Variants in GALNTL6 observed in about 807,000 individuals in gnomAD.
The protein encoded by GALNTL6 is polypeptide N-acetylgalactosaminyltransferase-like 6.
GALNTL6 carries 46 observed loss-of-function variants against 73.7 expected under a neutral mutation model. The observed-to-expected ratio is 0.62, with a 90% confidence interval of 0.49 to 0.80. The LOEUF (loss-of-function observed/expected upper bound fraction) is 0.80, where lower values mean the gene tolerates loss of function less well. GALNTL6 is among the 30% of genes least tolerant of loss of function. GALNTL6 has a pLI of 0.00. For synonymous variants in GALNTL6, 259 were observed against 263.7 expected (o/e 0.98, Z 0.17); for missense variants, 604 against 755.0 (o/e 0.80, Z 2.34).
intron 5 of GALNTL6, among the ~76,000 whole-genome samples, chr4:172,619,934 G>A (rs888560528): frequency 9.9e-5 from 15 of 152,144 alleles, no homozygotes; most frequent in African/African-American, 3.4e-4. Flanking sequence ...CCTGTGTATA[G>A]GCAATTATTA....
chr4:172,056,961 T>C (rs901200188), intron 2 of GALNTL6, among the ~76,000 whole-genome samples: 1 of 152,154 alleles, frequency 6.6e-6, no homozygotes, highest in African/African-American at 2.4e-5. Flanking sequence ...AATATTTTAA[T>C]GTTACAATAT....
chr4:171,988,448 A>G (rs1740189536), intron 2 of GALNTL6, among the ~76,000 whole-genome samples: 1 of 152,212 alleles, frequency 6.6e-6, no homozygotes, highest in Admixed American at 6.5e-5. Context: ...TGTCAGGGTC[A>G]GTCTAAGTGA....
At chr4:171,833,899 C>T (rs1224059955) in intron 2 of GALNTL6, among the ~76,000 whole-genome samples, 3 of 151,796 alleles carry the variant, frequency 2.0e-5, no homozygotes, top group African/African-American at 7.2e-5. Flanking sequence ...ACTGCTCTAG[C>T]AAAATCATTT....
At chr4:172,983,296 A>G (rs911252939) in intron 10 of GALNTL6, among the ~76,000 whole-genome samples, 1 of 152,090 alleles carries the variant, frequency 6.6e-6, no homozygotes, top group Non-Finnish European at 1.5e-5. Context: ...TTGATTTCAG[A>G]CTTCTGGCCT....
In GALNTL6 at chr4:172,965,279, A is replaced by G. The variant is rs564866361; in HGVS notation, c.1371+13021A>G. 1.1e-4 allele frequency among the ~76,000 whole-genome samples: 16 copies of G among 152,286 alleles called. 1 individual carries two copies. The South Asian group carries it at 3.3e-3, about 32-fold the overall frequency. On this transcript the variant is annotated intron_variant, in intron 10 of 12. Coordinates refer to ENST00000506823, the MANE Select transcript of GALNTL6 (RefSeq NM_001034845.3). ...GAGACAGGGCTATGAAGACAAACCT[A>G]AAGTGTCCTATAATAAACACAATTT...
intron 3 of GALNTL6, among the ~76,000 whole-genome samples, chr4:172,293,677 C>T (rs1305023583): frequency 6.6e-6 from 1 of 151,712 alleles, no homozygotes; most frequent in Non-Finnish European, 1.5e-5. Flanking sequence ...TTCTCATTCT[C>T]ACTTGCACAG....
intron 2 of GALNTL6, among the ~76,000 whole-genome samples, chr4:171,923,613 A>G (rs542312032): frequency 1.4e-5 from 2 of 141,966 alleles, no homozygotes; most frequent in Non-Finnish European, 3.0e-5. Flanking sequence ...TCACCGTGTT[A>G]GCCAGGATGG....
At chr4:172,881,881 A>AAC (rs1175627613) in intron 7 of GALNTL6, among the ~76,000 whole-genome samples, 1 of 152,164 alleles carries the variant, frequency 6.6e-6, no homozygotes, top group Non-Finnish European at 1.5e-5. Flanking sequence ...CGCTAGCCTC[A>AAC]GCCTTGGGCA....
chr4:172,371,929 C>T (rs531505513), intron 5 of GALNTL6, among the ~76,000 whole-genome samples: 261 of 152,278 alleles, frequency 1.7e-3, no homozygotes, highest in African/African-American at 5.9e-3. Flanking sequence ...AGTTAGGAAC[C>T]CCCTTTCTTT....
At chr4:172,503,117 T>G (rs1389062740) in intron 5 of GALNTL6, among the ~76,000 whole-genome samples, 1 of 152,194 alleles carries the variant, frequency 6.6e-6, no homozygotes, top group East Asian at 1.9e-4. Context: ...TGTCGTGATG[T>G]GGCATTAAAG....
At chr4:172,884,307 G>A in intron 8 of GALNTL6, among the ~76,000 whole-genome samples, 1 of 152,080 alleles carries the variant, frequency 6.6e-6, no homozygotes, top group Non-Finnish European at 1.5e-5. Context: ...TGAGATAATA[G>A]CCAGTTTAAC....
chr4:172,681,821 T>G (rs1429940267), intron 5 of GALNTL6, among the ~76,000 whole-genome samples: 1 of 152,134 alleles, frequency 6.6e-6, no homozygotes. Context: ...GAAGAATAAC[T>G]CCAGAGCACC....
At chr4:172,129,066 T>C (rs1331926841) in intron 2 of GALNTL6, among the ~76,000 whole-genome samples, 2 of 152,170 alleles carry the variant, frequency 1.3e-5, no homozygotes, top group African/African-American at 4.8e-5. Flanking sequence ...TTTCCAAAGG[T>C]GTCTAGATTG....
intron 5 of GALNTL6, among the ~76,000 whole-genome samples, chr4:172,405,425 ATATATATATATATATATATTTT>A (rs1265147737): frequency 1.3e-4 from 15 of 114,204 alleles, no homozygotes; most frequent in African/African-American, 6.2e-4. Context: ...ATATATATAT[ATATATATATATATATATATTTT>A]TTTTTTTTTT....
intron 7 of GALNTL6, among the ~76,000 whole-genome samples, chr4:172,840,230 TG>T (rs1375962343): frequency 6.6e-6 from 1 of 152,238 alleles, no homozygotes; most frequent in Non-Finnish European, 1.5e-5. Context: ...TCACTGGAAC[TG>T]TTATAATGTT....
At chr4:172,086,100 C>T (rs765725048) in intron 2 of GALNTL6, among the ~76,000 whole-genome samples, 1 of 152,032 alleles carries the variant, frequency 6.6e-6, no homozygotes, top group Non-Finnish European at 1.5e-5. Flanking sequence ...AATATTCTCT[C>T]GGCTGGCATT....
chr4:171,989,652 T>G (rs184831543), intron 2 of GALNTL6, among the ~76,000 whole-genome samples: 1 of 152,224 alleles, frequency 6.6e-6, no homozygotes, highest in African/African-American at 2.4e-5. Context: ...CCTCTACTCT[T>G]ATTACTGCAC....
intron 7 of GALNTL6, among the ~76,000 whole-genome samples, chr4:172,815,975 G>A (rs1027321127): frequency 2.6e-5 from 4 of 152,148 alleles, no homozygotes; most frequent in African/African-American, 7.2e-5. Flanking sequence ...GCAGCGTATC[G>A]GCAATTTCAT....
intron 10 of GALNTL6, among the ~76,000 whole-genome samples, chr4:172,986,847 G>C (rs1416760294): frequency 6.6e-6 from 1 of 152,126 alleles, no homozygotes. Context: ...GTATCCCAAG[G>C]AATAAGCTTT....
Sources: gnomAD v4.1 joint callset for allele counts (sites outside exome capture counted in the v4.1 genomes callset) on GRCh38, gnomAD v4.1.1 for gene constraint, MANE v1.5 for transcripts, NCBI Gene and HGNC (gene_info 2026-07-23, HGNC 2026-07-21) for gene names.